The following PEX19 variants were observed in gnomAD, a reference collection of about 807,000 sequenced individuals.
PEX19 encodes the protein 33 kDa housekeeping protein.
Under a neutral mutation model 36.3 loss-of-function variants are expected in PEX19, and 29 were observed. The observed-to-expected ratio is 0.80, with a 90% confidence interval of 0.60 to 1.09. The LOEUF (loss-of-function observed/expected upper bound fraction) is 1.09, where lower values mean the gene tolerates loss of function less well. PEX19 is among the 50% of genes least tolerant of loss of function. The pLI, the probability that PEX19 is intolerant of heterozygous loss-of-function variation, is 0.00. For missense variants in PEX19, 396 were observed against 368.1 expected (o/e 1.08, Z -0.62); for synonymous variants, 141 against 135.2 (o/e 1.04, Z -0.30).
At chr1:160,284,139 A>C (rs1384240961) in intron 1 of PEX19, 1 of 471,746 alleles carries the variant, frequency 2.1e-6, no homozygotes, top group Non-Finnish European at 4.4e-6. Context: ...ACCAGACTCC[A>C]TGGTACGGCA....
At chr1:160,281,345 A>G (rs1356644964) in intron 5 of PEX19, 1 of 153,050 alleles carries the variant, frequency 6.5e-6, no homozygotes, top group African/African-American at 2.4e-5. Flanking sequence ...CTTTTATGGC[A>G]GGGACCATCA....
intron 1 of PEX19, among the ~76,000 whole-genome samples, chr1:160,284,809 G>C (rs571429869): frequency 6.6e-6 from 1 of 152,148 alleles, no homozygotes; most frequent in Non-Finnish European, 1.5e-5. Context: ...ATCATGAAAC[G>C]CCGTCCTGCG....
Position 160,280,134 on chromosome 1 carries a change from G to T in PEX19, c.707C>A (p.Thr236Asn). ...CKICEQFEAE[T>N]PTDSETTQKA... ...TTGAGTGGTTTCACTGTCTGTGGGGGTCTCTGCCTCAAACTGCTCACATAT... is the reference window on the plus strand; with the variant it reads ...TTGAGTGGTTTCACTGTCTGTGGGGTTCTCTGCCTCAAACTGCTCACATAT... Residue 236 changes from threonine (T) to asparagine (N), a missense_variant, in exon 6 of 8, where the codon ACC becomes AAC. Physicochemically the swap from Thr to Asn is moderately conservative, Grantham distance 65 (BLOSUM62 0). Coordinates refer to ENST00000368072, the MANE Select transcript of PEX19 (RefSeq NM_002857.4). 6.2e-7 allele frequency: 1 copy of T among 1,613,874 alleles called. No individual in the cohort carries two copies. Among genetic ancestry groups the T allele is most frequent in the South Asian group, 1.1e-5 (1 of 91,076 alleles).
At position 160,282,938 on chromosome 1, in the gene PEX19, C is replaced by A; in HGVS notation, c.346+6G>T. On this transcript the variant is annotated splice_donor_region_variant and intron_variant, in intron 3 of 7. Coordinates refer to ENST00000368072, the MANE Select transcript of PEX19 (RefSeq NM_002857.4). ...AGATATTTCCATGTATCTGGGGTCT[C>A]CTCACCCACTCTCCCTGCAGCCTCT... The A allele has an allele frequency of 1.2e-6, 2 of 1,613,982 alleles. No homozygotes were observed. The highest frequency in any genetic ancestry group is 1.7e-6 in the Non-Finnish European group (2 of 1,179,896).
At chr1:160,283,355 C>T (rs1403871604) in intron 2 of PEX19, among the ~76,000 whole-genome samples, 175 bp downstream of exon 2, 1 of 152,186 alleles carries the variant, frequency 6.6e-6, no homozygotes, top group Non-Finnish European at 1.5e-5. Context: ...TCTGAGATTC[C>T]CCCACTCAAC....
chr1:160,280,111 G>A lies in PEX19; in HGVS notation c.730C>T (p.Gln244Ter). ...AETPTDSETTQKARFEMVLDL... is the reference protein window; with the variant it reads ...AETPTDSETT Reference sequence around the variant, plus strand: ...AGCACCATCTCAAAACGAGCCTTTTGAGTGGTTTCACTGTCTGTGGGGGTC... The same window carrying A: ...AGCACCATCTCAAAACGAGCCTTTTAAGTGGTTTCACTGTCTGTGGGGGTC... Residue 244 changes from glutamine (Q) to a stop codon, truncating the protein, a stop_gained, in exon 6 of 8, where the codon CAA (glutamine) becomes TAA (stop). Coordinates refer to ENST00000368072, the MANE Select transcript of PEX19 (RefSeq NM_002857.4). LOFTEE classifies it high-confidence loss of function. 6.2e-7 allele frequency: 1 copy of A among 1,613,934 alleles called. No homozygotes were observed. Among genetic ancestry groups the A allele is most frequent in the African/African-American group, 1.3e-5 (1 of 75,010 alleles).
chr1:160,283,481 G>C (rs763802198), intron 2 of PEX19, 49 bp downstream of exon 2: 16 of 1,370,334 alleles, frequency 1.2e-5, no homozygotes, highest in South Asian at 8.5e-5. Flanking sequence ...CTCTGCTCAG[G>C]GCTGCATGCC....
intron 5 of PEX19, 33 bp from the exon 6 acceptor site, chr1:160,280,279 A>C: frequency 6.3e-7 from 1 of 1,580,754 alleles, no homozygotes. Flanking sequence ...GAAAAGAATT[A>C]AGTGAACAAT....
In PEX19 at chr1:160,277,797, G is replaced by A. The variant is rs1210446826; in HGVS notation, c.*1754C>T. ...TGGCTGGAGCTTTAAGGAGAAAATA[G>A]TGACACTGAAGCCCCATGACTATAT... On this transcript the variant is annotated 3_prime_UTR_variant, in exon 8 of 8. Coordinates refer to ENST00000368072, the MANE Select transcript of PEX19 (RefSeq NM_002857.4). 1 of 502,274 alleles carries A rather than the reference G, an allele frequency of 2.0e-6. No homozygotes were observed. The highest frequency in any genetic ancestry group is 3.9e-6 in the Non-Finnish European group (1 of 259,368). The allele number at this position is 502,274 out of a possible 1,614,324, so 31.1% of individuals were successfully genotyped here.
rs756406692 is a variant in PEX19 at position 160,277,873 on chromosome 1, C to A, written c.*1678G>T. 3.2e-5 allele frequency: 21 copies of A among 649,946 alleles called. 1 individual carries two copies. Among genetic ancestry groups the A allele is most frequent in the South Asian group, 3.2e-4 (21 of 66,256 alleles). The allele number at this position is 649,946 out of a possible 1,614,324, so 40.3% of individuals were successfully genotyped here. On this transcript the variant is annotated 3_prime_UTR_variant, in exon 8 of 8. Transcript: ENST00000368072. ...TCTCTGGCAGAACAGAGACGTTTTACATTCAGATCTGGGCTCTTCCATGCT... is the reference window on the plus strand; with the variant it reads ...TCTCTGGCAGAACAGAGACGTTTTAAATTCAGATCTGGGCTCTTCCATGCT...
In PEX19 at chr1:160,283,036, G is replaced by A. The variant is rs11550119; in HGVS notation, c.254C>T (p.Ala85Val). 1,001 of 1,614,130 alleles carry A rather than the reference G, an allele frequency of 6.2e-4. 1 individual carries two copies. The highest frequency in any genetic ancestry group is 1.4e-3 in the Admixed American group (87 of 60,014). Residue 85 changes from alanine (A) to valine (V), a missense_variant, in exon 3 of 8, where the codon GCG becomes GTG. By Grantham distance (64) the Ala-to-Val change is moderately conservative (BLOSUM62 0). Coordinates refer to ENST00000368072, the MANE Select transcript of PEX19 (RefSeq NM_002857.4). ...CTCCTTCATTGCCTTCTCGAACTCC[G>A]CAGTGGCTTGGGAAGCCAGTTCACT... Reference protein sequence around the residue: ...FDSELASQATAEFEKAMKELA... With the variant: ...FDSELASQATVEFEKAMKELA...
chr1:160,281,921 G>A, intron 5 of PEX19, 118 bp downstream of exon 5: 1 of 850,220 alleles, frequency 1.2e-6, no homozygotes, highest in South Asian at 1.4e-5. Context: ...AATAAATAAA[G>A]AAGGAAAAAA....
intron 7 of PEX19, 42 bp from the exon 8 acceptor site, chr1:160,279,676 T>C: frequency 6.3e-7 from 1 of 1,576,626 alleles, no homozygotes; most frequent in Admixed American, 1.7e-5. Flanking sequence ...GCTCATTTTT[T>C]AGGACAGACG....
In PEX19 at chr1:160,278,799, TA is replaced by T. The variant is rs1277062872; in HGVS notation, c.*751del. ...AAAAAGGTTGGGATAAACAGGTGTT[TA>T]AAAAAGAGAGGAGGTAAAAGGGAGG... On this transcript the variant is annotated 3_prime_UTR_variant, in exon 8 of 8. Coordinates refer to ENST00000368072, the MANE Select transcript of PEX19 (RefSeq NM_002857.4). The T allele has an allele frequency of 8.8e-6, 4 of 453,778 alleles. No individual in the cohort carries two copies. The highest frequency in any genetic ancestry group is 4.7e-5 in the Admixed American group (2 of 42,544). 28.1% of individuals were successfully genotyped at this position (453,778 alleles called of 1,614,324 possible).
intron 4 of PEX19, 45 bp downstream of exon 4, chr1:160,282,372 G>T: frequency 6.7e-7 from 1 of 1,489,074 alleles, no homozygotes; most frequent in Non-Finnish European, 9.4e-7. Flanking sequence ...CTGGAGAAAT[G>T]TCTGGGAGTG....
At position 160,277,455 on chromosome 1, in the gene PEX19, CCATA is replaced by C. The variant is rs1333215503; in HGVS notation, c.*2092_*2095del. ...GGAAAACAAAAAACCTGGTCCTTTA[CCATA>C]CATAGTTTGAGAAAGACTGCCCTAG... On this transcript the variant is annotated 3_prime_UTR_variant, in exon 8 of 8. Transcript: ENST00000368072. 6.6e-6 allele frequency: 3 copies of C among 455,946 alleles called. No individual in the cohort carries two copies. The East Asian group carries it at 2.1e-4, about 32-fold the overall frequency. 28.2% of individuals were successfully genotyped at this position (455,946 alleles called of 1,614,324 possible).
In PEX19 at chr1:160,283,514, G is replaced by A. The variant is rs751870276; in HGVS notation, c.180+16C>T. 6.4e-7 allele frequency: 1 copy of A among 1,571,720 alleles called. No homozygotes were observed. The highest frequency in any genetic ancestry group is 1.1e-5 in the South Asian group (1 of 90,186). ...GCCCATCCCCTCCCCATCCCTTAAG[G>A]GGGTGGAATTTATACTTTGGCAGTG... is the stretch of plus-strand genomic sequence containing the variant. On this transcript the variant is annotated intron_variant, in intron 2 of 7. Transcript: ENST00000368072.
intron 6 of PEX19, 103 bp downstream of exon 6, chr1:160,279,967 C>G: frequency 3.7e-6 from 5 of 1,362,056 alleles, no homozygotes; most frequent in Non-Finnish European, 5.3e-6. Context: ...AAGAGAGGAT[C>G]CCTCCTCCAC....
At position 160,279,297 on chromosome 1, in the gene PEX19, G is replaced by A; in HGVS notation, c.*254C>T. On this transcript the variant is annotated 3_prime_UTR_variant, in exon 8 of 8. Coordinates refer to ENST00000368072, the MANE Select transcript of PEX19 (RefSeq NM_002857.4). ...CAAAAGGGATGCCTTCCTTCACCTTGCAGGTAGCTGGAACTTTGATAGTGG... is the reference window on the plus strand; with the variant it reads ...CAAAAGGGATGCCTTCCTTCACCTTACAGGTAGCTGGAACTTTGATAGTGG... 3.0e-6 allele frequency: 2 copies of A among 656,824 alleles called. No homozygotes were observed. The highest frequency in any genetic ancestry group is 1.5e-5 in the South Asian group (1 of 66,262). 40.7% of individuals were successfully genotyped at this position (656,824 alleles called of 1,614,324 possible). A position where few individuals can be genotyped will look rare whatever the true frequency, so the allele number is the denominator to read the frequency against.
Sources: gnomAD v4.1 joint callset for allele counts (sites outside exome capture counted in the v4.1 genomes callset) on GRCh38, gnomAD v4.1.1 for gene constraint, MANE v1.5 for transcripts, NCBI Gene and HGNC (gene_info 2026-07-23, HGNC 2026-07-21) for gene names.